PPP2R2B: variants seen among roughly 807,000 people sequenced by gnomAD.
PPP2R2B encodes serine/threonine-protein phosphatase 2A 55 kDa regulatory subunit B beta isoform.
A neutral mutation model predicts 46.0 loss-of-function variants in PPP2R2B; 5 were observed. That is an observed-to-expected ratio of 0.11 (90% confidence interval 0.06 to 0.23). The LOEUF is 0.23. Ranked by LOEUF, PPP2R2B falls within the 10% of genes least tolerant of loss-of-function variation. The pLI is 1.00. For missense variants in PPP2R2B, 367 were observed against 575.0 expected (o/e 0.64, Z 3.70); for synonymous variants, 215 against 206.7 (o/e 1.04, Z -0.34).
At chr5:146,660,471 A>G (rs369978119) in intron 5 of PPP2R2B, among the ~76,000 whole-genome samples, 2 of 152,116 alleles carry the variant, frequency 1.3e-5, no homozygotes, top group African/African-American at 4.8e-5. Flanking sequence ...CACTTTGGTC[A>G]AAAAACCTGT....
intron 1 of PPP2R2B, among the ~76,000 whole-genome samples, chr5:146,933,849 A>T (rs984158306): frequency 2.0e-5 from 2 of 102,140 alleles, no homozygotes; most frequent in Non-Finnish European, 3.7e-5. Context: ...ACCCCACAAC[A>T]GTCCCCAGAG....
intron 2 of PPP2R2B, among the ~76,000 whole-genome samples, chr5:146,875,871 T>C (rs1195669071): frequency 6.6e-6 from 1 of 152,194 alleles, no homozygotes; most frequent in African/African-American, 2.4e-5. Flanking sequence ...AAGGAATTCA[T>C]TGGAAGAACA....
rs1280922333 is a variant in PPP2R2B at position 146,640,700 on chromosome 5, TG to T, written c.626-2286del. Among the ~76,000 whole-genome samples, 5 of 152,222 alleles carry T rather than the reference TG, an allele frequency of 3.3e-5. No individual in the cohort carries two copies. In the East Asian group the frequency reaches 7.7e-4, roughly 23 times the overall value. ...TGAACTGGAAGGGATCTTCGCTGTG[TG>T]GGAGGGGGAGGTGCTACAGCTACAG... On this transcript the variant is annotated intron_variant, in intron 6 of 9. Transcript: ENST00000394411.
intron 2 of PPP2R2B, among the ~76,000 whole-genome samples, chr5:146,785,129 C>T (rs1755754659): frequency 6.6e-6 from 1 of 152,142 alleles, no homozygotes; most frequent in Non-Finnish European, 1.5e-5. Context: ...AACCCTCAAC[C>T]TTAATAGTGG....
intron 5 of PPP2R2B, among the ~76,000 whole-genome samples, chr5:146,663,173 T>C (rs951164897): frequency 2.0e-5 from 3 of 152,226 alleles, no homozygotes; most frequent in East Asian, 3.8e-4. Flanking sequence ...AAAGCAGTAA[T>C]GTGTCCTAGC....
intron 2 of PPP2R2B, among the ~76,000 whole-genome samples, chr5:146,799,566 G>A (rs578101297): frequency 6.6e-6 from 1 of 152,320 alleles, no homozygotes; most frequent in Non-Finnish European, 1.5e-5. Context: ...CCACTCATGA[G>A]TTTTGGGTTA....
Position 146,583,330 on chromosome 5 carries a change from T to A in PPP2R2B, c.*6617A>T, listed in dbSNP as rs142222828. 2 of 152,318 alleles carry A rather than the reference T, an allele frequency of 1.3e-5. No homozygotes were observed. The highest frequency in any genetic ancestry group is 6.5e-5 in the Admixed American group (1 of 15,298). 9.4% of individuals were successfully genotyped at this position (152,318 alleles called of 1,614,324 possible). A position where few individuals can be genotyped will look rare whatever the true frequency, so the allele number is the denominator to read the frequency against. On this transcript the variant is annotated 3_prime_UTR_variant, in exon 10 of 10. Coordinates refer to ENST00000394411, the MANE Select transcript of PPP2R2B (RefSeq NM_181675.4). Reference sequence around the variant, plus strand: ...TAGCAAGAAATGTGCACTGAATGCATATTTGTGGGCCAGGCATCCTTCTAA... The same window carrying A: ...TAGCAAGAAATGTGCACTGAATGCAAATTTGTGGGCCAGGCATCCTTCTAA...
chr5:147,060,857 T>A (rs918491109), upstream of PPP2R2B, among the ~76,000 whole-genome samples: 3 of 152,164 alleles, frequency 2.0e-5, no homozygotes, highest in Non-Finnish European at 4.4e-5. Context: ...GGACTTTTTT[T>A]ATGCTGAATT....
In PPP2R2B at chr5:146,706,586, C is replaced by T. The variant is rs1297284309; in HGVS notation, c.71-5444G>A. The stretch of plus-strand genomic sequence containing the variant: ...GCTCGGACAGCTTAGCGTTGGCATC[C>T]TTAATGACCAGCTCCCTGCGCTGCT... On this transcript the variant is annotated intron_variant, in intron 2 of 9. Coordinates refer to ENST00000394411, the MANE Select transcript of PPP2R2B (RefSeq NM_181675.4). 4 of 855,810 alleles carry T rather than the reference C, an allele frequency of 4.7e-6. No individual in the cohort carries two copies. The African/African-American group carries it at 5.0e-5, about 11-fold the overall frequency. The allele number at this position is 855,810 out of a possible 1,614,324, so 53.0% of individuals were successfully genotyped here.
At chr5:146,844,926 C>A (rs1212229198) in intron 2 of PPP2R2B, among the ~76,000 whole-genome samples, 1 of 152,204 alleles carries the variant, frequency 6.6e-6, no homozygotes, top group Non-Finnish European at 1.5e-5. Context: ...GCCCCTTCCC[C>A]TAAAGCTCTG....
chr5:147,081,118 T>C (rs978819585), exon 2 of PPP2R2B: 70 of 1,535,582 alleles, frequency 4.6e-5, no homozygotes, highest in Admixed American at 5.9e-5. Context: ...TAGTGTGTCC[T>C]GGGTGAGTGT....
intron 2 of PPP2R2B, among the ~76,000 whole-genome samples, chr5:146,846,956 G>T (rs1286969401): frequency 1.3e-5 from 2 of 152,192 alleles, no homozygotes; most frequent in East Asian, 3.8e-4. Flanking sequence ...CTTATCTCAT[G>T]CAGATCTTAG....
intron 4 of PPP2R2B, among the ~76,000 whole-genome samples, chr5:146,695,209 C>G (rs1779105536): frequency 6.6e-6 from 1 of 151,986 alleles, no homozygotes; most frequent in African/African-American, 2.4e-5. Context: ...TTATTTGTAT[C>G]TTTTTGCTTT....
intron 2 of PPP2R2B, among the ~76,000 whole-genome samples, chr5:146,818,226 G>C (rs1357119794): frequency 6.6e-6 from 1 of 152,138 alleles, no homozygotes; most frequent in Non-Finnish European, 1.5e-5. Flanking sequence ...ATGGAAAGCT[G>C]TCTTGATAGC....
At chr5:146,909,490 C>T (rs1464644316) in intron 1 of PPP2R2B, among the ~76,000 whole-genome samples, 1 of 152,194 alleles carries the variant, frequency 6.6e-6, no homozygotes, top group African/African-American at 2.4e-5. Context: ...GATTTATTTG[C>T]ATTCATAATC....
At chr5:146,971,482 G>A (rs1157001144) in intron 1 of PPP2R2B, among the ~76,000 whole-genome samples, 1 of 152,120 alleles carries the variant, frequency 6.6e-6, no homozygotes, top group African/African-American at 2.4e-5. Flanking sequence ...GAAAGAATGC[G>A]CCACAATTCA....
intron 5 of PPP2R2B, 89 bp from the exon 6 acceptor site, chr5:146,650,813 C>T: frequency 1.6e-6 from 2 of 1,226,376 alleles, no homozygotes; most frequent in Non-Finnish European, 1.1e-6. Context: ...TTATCACACA[C>T]AAAATAATAG....
chr5:146,905,936 TA>T (rs1473263328), intron 1 of PPP2R2B, among the ~76,000 whole-genome samples: 1 of 152,182 alleles, frequency 6.6e-6, no homozygotes, highest in African/African-American at 2.4e-5. Context: ...AAGCCACATG[TA>T]GCTACTGAAA....
chr5:146,960,462 G>C (rs991856753), intron 1 of PPP2R2B, among the ~76,000 whole-genome samples: 3 of 152,060 alleles, frequency 2.0e-5, no homozygotes, highest in Non-Finnish European at 2.9e-5. Flanking sequence ...GCTAATTTTT[G>C]TATTTTTAGT....
Sources: allele counts gnomAD v4.1 joint callset (sites outside exome capture counted in the v4.1 genomes callset), GRCh38; gene constraint gnomAD v4.1.1; transcripts MANE v1.5; gene names NCBI Gene and HGNC (gene_info 2026-07-23, HGNC 2026-07-21).